Variants in PCDH9 observed in about 807,000 individuals in gnomAD.
The protein encoded by PCDH9 is protocadherin 9.
PCDH9 carries 24 observed loss-of-function variants against 70.6 expected under a neutral mutation model. The observed-to-expected ratio is 0.34, with a 90% CI of 0.25 to 0.48. The LOEUF (loss-of-function observed/expected upper bound fraction) is 0.48, where lower values mean the gene tolerates loss of function less well. Ranked by LOEUF, PCDH9 falls within the 20% of genes least tolerant of loss-of-function variation. The pLI is 0.99. For synonymous variants in PCDH9, 562 were observed against 558.5 expected (o/e 1.01, Z -0.09); for missense variants, 1,281 against 1,503.6 (o/e 0.85, Z 2.45).
chr13:66,523,978 G>A (rs1398016889), intron 4 of PCDH9, among the ~76,000 whole-genome samples: 1 of 151,988 alleles, frequency 6.6e-6, no homozygotes, highest in Non-Finnish European at 1.5e-5. Context: ...AGGTAATCAA[G>A]GTCAGCATCG....
intron 2 of PCDH9, among the ~76,000 whole-genome samples, chr13:67,015,244 A>G (rs978102593): frequency 1.3e-5 from 2 of 152,218 alleles, no homozygotes; most frequent in South Asian, 2.1e-4. Context: ...CACTCCCTGG[A>G]CAGGCTCACT....
chr13:66,957,785 G>A (rs1019460060), intron 2 of PCDH9, among the ~76,000 whole-genome samples: 2 of 152,036 alleles, frequency 1.3e-5, no homozygotes, highest in Non-Finnish European at 2.9e-5. Context: ...AACCACACTG[G>A]CACTCTGATT....
At chr13:67,104,276 A>T (rs2086491070) in intron 2 of PCDH9, among the ~76,000 whole-genome samples, 1 of 152,188 alleles carries the variant, frequency 6.6e-6, no homozygotes, top group South Asian at 2.1e-4. Context: ...GAACCATTGG[A>T]AACTCAAATA....
intron 4 of PCDH9, among the ~76,000 whole-genome samples, chr13:66,519,066 G>T (rs1959872819): frequency 6.6e-6 from 1 of 152,138 alleles, no homozygotes; most frequent in Non-Finnish European, 1.5e-5. Flanking sequence ...GAACTACTAT[G>T]CATGTGGCCA....
intron 4 of PCDH9, among the ~76,000 whole-genome samples, chr13:66,567,338 GAGCTTTT>G (rs1160443844): frequency 6.6e-6 from 1 of 152,112 alleles, no homozygotes; most frequent in African/African-American, 2.4e-5. Context: ...TATGGGGATG[GAGCTTTT>G]AAAGGGTTAT....
chr13:66,860,066 A>T (rs1434206768), intron 3 of PCDH9, among the ~76,000 whole-genome samples: 2 of 152,200 alleles, frequency 1.3e-5, no homozygotes, highest in Non-Finnish European at 2.9e-5. Flanking sequence ...CAATCATTCA[A>T]TGTTATGTAA....
At chr13:67,007,917 T>C (rs1363603086) in intron 2 of PCDH9, among the ~76,000 whole-genome samples, 1 of 152,144 alleles carries the variant, frequency 6.6e-6, no homozygotes, top group African/African-American at 2.4e-5. Context: ...GAACAACTGG[T>C]ACATGGAAAA....
chr13:67,123,500 C>T (rs1365707361), intron 2 of PCDH9, among the ~76,000 whole-genome samples: 2 of 152,192 alleles, frequency 1.3e-5, no homozygotes, highest in Non-Finnish European at 2.9e-5. Context: ...TCATTTTAAA[C>T]ACTAGCTAAA....
chr13:66,336,946 A>G (rs1414714344), intron 4 of PCDH9, among the ~76,000 whole-genome samples: 1 of 152,112 alleles, frequency 6.6e-6, no homozygotes, highest in African/African-American at 2.4e-5. Context: ...AAAAGTAACA[A>G]AATTCTCTTT....
chr13:67,178,629 A>G (rs1283881328), intron 2 of PCDH9, among the ~76,000 whole-genome samples: 1 of 151,910 alleles, frequency 6.6e-6, no homozygotes, highest in Non-Finnish European at 1.5e-5. Context: ...AACTCCTCTT[A>G]AGTGCCACTC....
At chr13:66,394,116 T>C (rs1957065092) in intron 4 of PCDH9, among the ~76,000 whole-genome samples, 1 of 152,164 alleles carries the variant, frequency 6.6e-6, no homozygotes, top group Non-Finnish European at 1.5e-5. Context: ...GTTAGAACAC[T>C]ACTGTGATTA....
chr13:66,777,833 G>A (rs1446426485), intron 3 of PCDH9, among the ~76,000 whole-genome samples: 3 of 152,048 alleles, frequency 2.0e-5, no homozygotes, highest in African/African-American at 2.4e-5. Flanking sequence ...ACATGCACAC[G>A]TATGTTTCTT....
chr13:66,445,867 T>A (rs2138415365), intron 4 of PCDH9, among the ~76,000 whole-genome samples: 1 of 148,770 alleles, frequency 6.7e-6, no homozygotes, highest in South Asian at 2.1e-4. Flanking sequence ...AAGAAAAAAA[T>A]ATATATCTAT....
chr13:67,033,304 C>T (rs2084943929), intron 2 of PCDH9, among the ~76,000 whole-genome samples: 1 of 151,876 alleles, frequency 6.6e-6, no homozygotes, highest in Admixed American at 6.6e-5. Flanking sequence ...TAGCTCCAGG[C>T]AAGCAAGGAA....
chr13:66,785,476 A>C (rs1001718407), intron 3 of PCDH9, among the ~76,000 whole-genome samples: 1 of 151,988 alleles, frequency 6.6e-6, no homozygotes, highest in African/African-American at 2.4e-5. Context: ...AATTTGGATT[A>C]ATAAATTTCT....
At chr13:67,197,353 C>T (rs1413252891) in intron 2 of PCDH9, among the ~76,000 whole-genome samples, 2 of 151,982 alleles carry the variant, frequency 1.3e-5, no homozygotes, top group Non-Finnish European at 2.9e-5. Flanking sequence ...CATTATTAGA[C>T]AAGGAACTGG....
chr13:66,400,990 A>G (rs1957174500), intron 4 of PCDH9, among the ~76,000 whole-genome samples: 1 of 152,234 alleles, frequency 6.6e-6, no homozygotes, highest in Non-Finnish European at 1.5e-5. Context: ...AATAAAAATT[A>G]GAAATGACAC....
At chr13:66,323,703 C>G (rs1955793752) in intron 4 of PCDH9, 1 of 148,906 alleles carries the variant, frequency 6.7e-6, no homozygotes, top group Non-Finnish European at 1.5e-5. Context: ...TTTTTTAAAC[C>G]TATGGCGGCA....
intron 4 of PCDH9, among the ~76,000 whole-genome samples, chr13:66,355,434 A>G (rs1392448194): frequency 1.3e-5 from 2 of 151,894 alleles, no homozygotes; most frequent in Non-Finnish European, 2.9e-5. Flanking sequence ...TTGTCTGTTT[A>G]GTGTCATGTC....
Sources: gnomAD v4.1 joint callset for allele counts (sites outside exome capture counted in the v4.1 genomes callset) on GRCh38, gnomAD v4.1.1 for gene constraint, MANE v1.5 for transcripts, NCBI Gene and HGNC (gene_info 2026-07-23, HGNC 2026-07-21) for gene names.